Variants in ATF7 observed in about 807,000 individuals in gnomAD.
ATF7 encodes activating transcription factor 7, also known as cyclic AMP-dependent transcription factor ATF-7.
Under a neutral mutation model 50.4 loss-of-function variants are expected in ATF7, and 10 were observed. The ratio of observed to expected loss-of-function variants is 0.20; its 90% CI spans 0.12 to 0.34. The LOEUF (loss-of-function observed/expected upper bound fraction) is 0.34, where lower values mean the gene tolerates loss of function less well. Ranked by LOEUF, ATF7 falls within the 10% of genes least tolerant of loss-of-function variation. The pLI, the probability that ATF7 is intolerant of heterozygous loss-of-function variation, is 1.00. For synonymous variants in ATF7, 201 were observed against 226.4 expected (o/e 0.89, Z 1.01); for missense variants, 465 against 613.9 (o/e 0.76, Z 2.56).
downstream of ATF7, chr12:53,511,980 A>G (rs1424375858): frequency 1.3e-5 from 2 of 152,332 alleles, no homozygotes; most frequent in Admixed American, 6.5e-5. Flanking sequence ...GATGACAGAC[A>G]TGAAAGGCCA....
At chr12:53,566,072 A>G (rs534916545) in intron 2 of ATF7, among the ~76,000 whole-genome samples, 4 of 152,202 alleles carry the variant, frequency 2.6e-5, no homozygotes, top group Non-Finnish European at 5.9e-5. Flanking sequence ...TTTATTCACT[A>G]TCAATGAGAG....
chr12:53,550,656 G>A (rs1392301482), intron 3 of ATF7, among the ~76,000 whole-genome samples: 1 of 152,186 alleles, frequency 6.6e-6, no homozygotes, highest in Non-Finnish European at 1.5e-5. Context: ...GCTGGTTTAG[G>A]AGACAAGGAG....
intron 3 of ATF7, among the ~76,000 whole-genome samples, chr12:53,544,135 C>G (rs1274048976): frequency 6.6e-6 from 1 of 152,182 alleles, no homozygotes; most frequent in African/African-American, 2.4e-5. Context: ...CCAGGGTATT[C>G]GGATTTAGAT....
chr12:53,610,068 C>T (rs558856849), intron 1 of ATF7, among the ~76,000 whole-genome samples: 17 of 152,074 alleles, frequency 1.1e-4, no homozygotes, highest in Admixed American at 2.6e-4. Flanking sequence ...CCGCCCGCCT[C>T]GGCCTCCCAA....
chr12:53,591,321 G>A (rs1343778480), intron 2 of ATF7, among the ~76,000 whole-genome samples: 1 of 152,184 alleles, frequency 6.6e-6, no homozygotes, highest in African/African-American at 2.4e-5. Flanking sequence ...TGTAGGGCTT[G>A]ATCTCAAACA....
intron 9 of ATF7, among the ~76,000 whole-genome samples, chr12:53,529,345 G>A (rs865985124): frequency 7.9e-5 from 12 of 151,826 alleles, no homozygotes; most frequent in East Asian, 1.9e-4. Flanking sequence ...GATTACAGGC[G>A]TGCGCCACCA....
chr12:53,555,092 G>T (rs1022919759), intron 2 of ATF7, among the ~76,000 whole-genome samples: 2 of 152,038 alleles, frequency 1.3e-5, no homozygotes, highest in East Asian at 1.9e-4. Flanking sequence ...GGCTGAGGCA[G>T]GTGGATCACC....
At chr12:53,588,322 G>A (rs1942808569) in intron 2 of ATF7, among the ~76,000 whole-genome samples, 1 of 152,138 alleles carries the variant, frequency 6.6e-6, no homozygotes, top group Admixed American at 6.5e-5. Flanking sequence ...AGTCAAAGAA[G>A]GACAGGATGT....
intron 8 of ATF7, among the ~76,000 whole-genome samples, chr12:53,532,234 C>T (rs1472536784): frequency 6.6e-6 from 1 of 152,176 alleles, no homozygotes; most frequent in Non-Finnish European, 1.5e-5. Context: ...CACTCGCCCA[C>T]CCTCCATCTG....
intron 2 of ATF7, among the ~76,000 whole-genome samples, chr12:53,598,698 A>T (rs1046994113): frequency 6.6e-6 from 1 of 152,210 alleles, no homozygotes; most frequent in African/African-American, 2.4e-5. Flanking sequence ...TTTTCTGATA[A>T]GACAGCCTGA....
rs1453674892 is a variant in ATF7, at chr12:53,542,126, T to TTTTTTTTTTTTC, written c.264+1203_264+1204insGAAAAAAAAAAA. Among the ~76,000 whole-genome samples, 3 of 147,832 alleles carry TTTTTTTTTTTTC rather than the reference T, an allele frequency of 2.0e-5. No homozygotes were observed. The East Asian group carries it at 6.2e-4, about 31-fold the overall frequency. On this transcript the variant is annotated intron_variant, in intron 4 of 11. Coordinates refer to ENST00000420353, the MANE Select transcript of ATF7 (RefSeq NM_006856.3). Reference sequence around the variant, plus strand: ...TGGCCTGTTTTTTTTTTTTTTTTTTTAAGAGATAGGGTCTCCGGGCCAGGC... The same window carrying TTTTTTTTTTTTC: ...TGGCCTGTTTTTTTTTTTTTTTTTTTTTTTTTTTTTTCAAGAGATAGGGTCTCCGGGCCAGGC...
chr12:53,611,822 G>A (rs950410075), intron 1 of ATF7, among the ~76,000 whole-genome samples: 1 of 151,966 alleles, frequency 6.6e-6, no homozygotes, highest in Non-Finnish European at 1.5e-5. Context: ...TCAAACTCCT[G>A]GCCTCAAGTG....
intron 1 of ATF7, among the ~76,000 whole-genome samples, chr12:53,605,217 T>C (rs928542621): frequency 5.3e-5 from 8 of 151,754 alleles, no homozygotes; most frequent in African/African-American, 1.7e-4. Flanking sequence ...GGTGAAACCC[T>C]GTCTCTACTA....
chr12:53,545,405 CGCCTCACCGTAATCTCT>C (rs1256739533), intron 3 of ATF7, among the ~76,000 whole-genome samples: 1 of 152,098 alleles, frequency 6.6e-6, no homozygotes, highest in Non-Finnish European at 1.5e-5. Context: ...CTGCAACCTC[CGCCTCACCGTAATCTCT>C]GCCTCCCAAG....
chr12:53,517,351 C>A lies in ATF7; in HGVS notation c.1238G>T (p.Ser413Ile). 1 of 1,612,718 alleles carries A rather than the reference C, an allele frequency of 6.2e-7. No individual in the cohort carries two copies. The highest frequency in any genetic ancestry group is 8.5e-7 in the Non-Finnish European group (1 of 1,179,320). ...CGTTGGCTCTGAGCTTTCCTTGGGG[C>A]TTTCTGCCAGGAAGGAGGGCAAAGA... The part of the protein sequence containing the change: ...LQKKTQGYLE[S>I]PKESSEPTGS... The change falls in exon 12 of 12, where the codon AGC (serine) becomes ATC (isoleucine). Residue 413 changes from serine to isoleucine, a missense_variant. Physicochemically the swap from Ser to Ile is moderately radical, Grantham distance 142 (BLOSUM62 -2). Coordinates refer to ENST00000420353, the MANE Select transcript of ATF7 (RefSeq NM_006856.3).
chr12:53,568,141 A>G (rs1439738557), intron 2 of ATF7, among the ~76,000 whole-genome samples: 6 of 152,222 alleles, frequency 3.9e-5, no homozygotes, highest in African/African-American at 1.4e-4. Flanking sequence ...TCCTGATAAT[A>G]CAGGAGTTTT....
At position 53,527,525 on chromosome 12, in the gene ATF7, C is replaced by T. The variant is rs576292469; in HGVS notation, c.928-2764G>A. On this transcript the variant is annotated intron_variant, in intron 9 of 11. Coordinates refer to ENST00000420353, the MANE Select transcript of ATF7 (RefSeq NM_006856.3). Reference sequence around the variant, plus strand: ...AGATGCTGGGCATGGTGGTTCATGCCTGTAATCCCAACACTTTGGGAGGCC... The same window carrying T: ...AGATGCTGGGCATGGTGGTTCATGCTTGTAATCCCAACACTTTGGGAGGCC... Among the ~76,000 whole-genome samples, 10 of 152,148 alleles carry T rather than the reference C, an allele frequency of 6.6e-5. No homozygotes were observed. In the South Asian group the frequency reaches 2.1e-3, roughly 32 times the overall value.
intron 3 of ATF7, among the ~76,000 whole-genome samples, chr12:53,546,165 C>G (rs1433665085): frequency 6.6e-6 from 1 of 152,074 alleles, no homozygotes; most frequent in Non-Finnish European, 1.5e-5. Context: ...GCACTCTAGC[C>G]TGGGCAACAA....
intron 1 of ATF7, among the ~76,000 whole-genome samples, chr12:53,615,224 A>T (rs1944070227): frequency 1.3e-5 from 2 of 152,038 alleles, no homozygotes; most frequent in South Asian, 2.1e-4. Context: ...TCTACTAAAA[A>T]TACAAAAAAA....
Sources: allele counts gnomAD v4.1 joint callset (sites outside exome capture counted in the v4.1 genomes callset), GRCh38; gene constraint gnomAD v4.1.1; transcripts MANE v1.5; gene names NCBI Gene and HGNC (gene_info 2026-07-23, HGNC 2026-07-21).